MYCBP2: variants seen among roughly 807,000 people sequenced by gnomAD.
The protein encoded by MYCBP2 is MYC binding protein 2.
MYCBP2 carries 120 observed loss-of-function variants against 525.3 expected under a neutral mutation model. The ratio of observed to expected loss-of-function variants is 0.23; its 90% confidence interval spans 0.20 to 0.27. MYCBP2 has a LOEUF of 0.27. Ranked by LOEUF, MYCBP2 falls within the 10% of genes least tolerant of loss-of-function variation. MYCBP2 has a pLI of 1.00. For synonymous variants in MYCBP2, 1,894 were observed against 1,955.8 expected, an observed-to-expected ratio of 0.97 and a Z score of 0.83; for missense variants, 4,149 against 5,657.1, an observed-to-expected ratio of 0.73 and a Z score of 8.55.
chr13:77,052,031 C>T (rs527997234), intron 80 of MYCBP2, 113 bp from the exon 81 acceptor site: 49 of 750,818 alleles, frequency 6.5e-5, no homozygotes, highest in Non-Finnish European at 7.8e-5. Flanking sequence ...ATACCATTAT[C>T]TACTAGACCA....
chr13:77,222,944 G>A (rs774380069), intron 20 of MYCBP2, among the ~76,000 whole-genome samples: 14 of 152,176 alleles, frequency 9.2e-5, no homozygotes, highest in Non-Finnish European at 1.5e-4. Flanking sequence ...CTGTGACTGC[G>A]AGGAAGAATA....
intron 14 of MYCBP2, 33 bp from the exon 15 acceptor site, chr13:77,251,388 A>C (rs1255839338): frequency 6.3e-7 from 1 of 1,580,456 alleles, no homozygotes; most frequent in South Asian, 1.1e-5. Context: ...ATTTTTATAC[A>C]GGTTACTTTC....
chr13:77,205,743 G>T, intron 24 of MYCBP2, 145 bp from the exon 25 acceptor site: 1 of 684,818 alleles, frequency 1.5e-6, no homozygotes, highest in Non-Finnish European at 2.3e-6. Context: ...ATGGAAGAAT[G>T]CTTAAAACCA....
chr13:77,168,882 A>C (rs574909088), intron 39 of MYCBP2, among the ~76,000 whole-genome samples: 1 of 152,344 alleles, frequency 6.6e-6, no homozygotes, highest in East Asian at 1.9e-4. Flanking sequence ...ATCTGAAGTA[A>C]ATCAGGTTTT....
intron 36 of MYCBP2, 80 bp from the exon 37 acceptor site, chr13:77,174,569 C>A (rs1206538293): frequency 2.0e-6 from 2 of 1,018,292 alleles, no homozygotes; most frequent in South Asian, 1.8e-5. Flanking sequence ...GTAAAATAGG[C>A]AAATATACTG....
At chr13:77,294,649 G>A (rs1435720765) in intron 2 of MYCBP2, among the ~76,000 whole-genome samples, 5 of 152,074 alleles carry the variant, frequency 3.3e-5, no homozygotes, top group African/African-American at 9.7e-5. Flanking sequence ...CCCATACTCC[G>A]ATTTGCACAT....
chr13:77,187,724 C>T (rs940064487), intron 30 of MYCBP2, among the ~76,000 whole-genome samples: 1 of 152,038 alleles, frequency 6.6e-6, no homozygotes, highest in African/African-American at 2.4e-5. Flanking sequence ...GTATTTGATA[C>T]GTACTAATAA....
At chr13:77,297,441 A>G (rs1430192834) in intron 1 of MYCBP2, among the ~76,000 whole-genome samples, 1 of 152,166 alleles carries the variant, frequency 6.6e-6, no homozygotes, top group Admixed American at 6.5e-5. Flanking sequence ...TACTGCTGTA[A>G]TAAAGAAAAA....
At chr13:77,278,610 A>T (rs1255896868) in intron 4 of MYCBP2, 148 bp downstream of exon 4, 1 of 545,298 alleles carries the variant, frequency 1.8e-6, no homozygotes, top group Non-Finnish European at 2.8e-6. Context: ...TAAAATGTGG[A>T]CTAATTAACA....
chr13:77,157,564 G>A (rs1467539932), intron 45 of MYCBP2, among the ~76,000 whole-genome samples: 5 of 151,752 alleles, frequency 3.3e-5, no homozygotes, highest in African/African-American at 4.8e-5. Context: ...TGGGCAACAT[G>A]GGGAAACTCT....
chr13:77,195,704 G>A (rs964251748), intron 26 of MYCBP2, among the ~76,000 whole-genome samples: 1 of 152,092 alleles, frequency 6.6e-6, no homozygotes, highest in African/African-American at 2.4e-5. Context: ...ATTGCTGGCT[G>A]GAATATTTCA....
At chr13:77,078,714 T>C in intron 66 of MYCBP2, 110 bp downstream of exon 66, 2 of 808,678 alleles carry the variant, frequency 2.5e-6, no homozygotes, top group South Asian at 3.0e-5. Context: ...AAATAGATAA[T>C]TCCCTATAAT....
intron 26 of MYCBP2, among the ~76,000 whole-genome samples, chr13:77,195,599 A>AC (rs2061684385): frequency 1.3e-5 from 2 of 151,950 alleles, no homozygotes; most frequent in South Asian, 4.2e-4. Context: ...CTTAAAAAAA[A>AC]ATAGTCCGAA....
Position 77,121,448 on chromosome 13 carries a change from A to G in MYCBP2, c.8065T>C (p.Phe2689Leu), listed in dbSNP as rs776409665. 2 of 1,589,718 alleles carry G rather than the reference A, an allele frequency of 1.3e-6. 1 individual carries two copies. Among genetic ancestry groups the G allele is most frequent in the South Asian group, 2.3e-5 (2 of 87,546 alleles). The stretch of plus-strand genomic sequence containing the variant: ...CCTTTATTAAAAGCTTGCACTGAGA[A>G]AGGGCTTGGAGGAGGAGTTTGAGAA... ...QNSQTPPPSP[F>L]SVQAFNKGAS... Residue 2689 changes from phenylalanine to leucine, a missense_variant, in exon 55 of 83, where the codon TTC becomes CTC. By Grantham distance (22) the Phe-to-Leu change is conservative (BLOSUM62 0). Transcript: ENST00000544440.
chr13:77,272,985 G>A (rs1407085156), intron 5 of MYCBP2, among the ~76,000 whole-genome samples: 1 of 152,122 alleles, frequency 6.6e-6, no homozygotes, highest in Non-Finnish European at 1.5e-5. Flanking sequence ...TTCCACAACT[G>A]AATATTAAAA....
intron 54 of MYCBP2, 141 bp from the exon 55 acceptor site, chr13:77,121,636 C>T (rs2050709312): frequency 2.7e-6 from 2 of 744,066 alleles, no homozygotes; most frequent in Admixed American, 7.5e-5. Context: ...AATTTAAATA[C>T]CAGTCAGGTC....
At chr13:77,284,538 T>C (rs925864950) in intron 3 of MYCBP2, among the ~76,000 whole-genome samples, 11 of 152,328 alleles carry the variant, frequency 7.2e-5, no homozygotes, top group African/African-American at 2.6e-4. Flanking sequence ...ACCCATAGTA[T>C]CTGCTTGCCT....
intron 40 of MYCBP2, 31 bp from the exon 41 acceptor site, chr13:77,166,585 C>T: frequency 6.8e-7 from 1 of 1,473,524 alleles, no homozygotes. Context: ...GACATGAATA[C>T]AGATATATAT....
intron 74 of MYCBP2, 88 bp downstream of exon 74, chr13:77,062,508 G>T: frequency 8.7e-7 from 1 of 1,152,620 alleles, no homozygotes; most frequent in Non-Finnish European, 1.3e-6. Context: ...ATGTTGATGT[G>T]TTTTTTGTTT....
Sources: allele counts gnomAD v4.1 joint callset (sites outside exome capture counted in the v4.1 genomes callset), GRCh38; gene constraint gnomAD v4.1.1; transcripts MANE v1.5; gene names NCBI Gene and HGNC (gene_info 2026-07-23, HGNC 2026-07-21).